The following WIPI2 variants were observed in gnomAD, a reference collection of about 807,000 sequenced individuals.
WIPI2 encodes WD repeat domain, phosphoinositide interacting 2.
Under a neutral mutation model 52.3 loss-of-function variants are expected in WIPI2, and 28 were observed. The observed-to-expected ratio is 0.54, with a 90% CI of 0.40 to 0.73. The LOEUF (loss-of-function observed/expected upper bound fraction) is 0.73, where lower values mean the gene tolerates loss of function less well. Ranked by LOEUF, WIPI2 falls within the 30% of genes least tolerant of loss-of-function variation. WIPI2 has a pLI of 0.00. For missense variants in WIPI2, 506 were observed against 602.9 expected, an observed-to-expected ratio of 0.84 and a Z score of 1.68; for synonymous variants, 268 against 245.0, an observed-to-expected ratio of 1.09 and a Z score of -0.88.
chr7:5,225,231 C>T (rs1172533544), intron 8 of WIPI2, among the ~76,000 whole-genome samples: 3 of 151,958 alleles, frequency 2.0e-5, no homozygotes, highest in Non-Finnish European at 2.9e-5. Context: ...ACCTCTGCCT[C>T]CCAGGTTCAA....
intron 2 of WIPI2, 46 bp downstream of exon 2, chr7:5,193,217 A>G (rs773086568): frequency 2.5e-6 from 4 of 1,596,574 alleles, no homozygotes; most frequent in Admixed American, 1.8e-5. Context: ...TGGAAGGCTT[A>G]TGTTAGAGGA....
At chr7:5,194,661 G>A (rs1271447203) in intron 2 of WIPI2, among the ~76,000 whole-genome samples, 1 of 152,134 alleles carries the variant, frequency 6.6e-6, no homozygotes, top group Admixed American at 6.5e-5. Context: ...TTTTTGTAGA[G>A]ATGGGGTTTC....
At chr7:5,203,443 G>T (rs983095414) in intron 3 of WIPI2, among the ~76,000 whole-genome samples, 1 of 151,968 alleles carries the variant, frequency 6.6e-6, no homozygotes, top group African/African-American at 2.4e-5. Context: ...TATAAACCAC[G>T]CCAGCAGAAG....
intron 3 of WIPI2, among the ~76,000 whole-genome samples, chr7:5,203,625 CTTTTTTTTT>C (rs10709311): frequency 3.0e-5 from 2 of 66,394 alleles, no homozygotes; most frequent in African/African-American, 1.1e-4. Flanking sequence ...TACGTTCAGC[CTTTTTTTTT>C]TTTTTTTTTT....
chr7:5,211,040 G>A (rs578060443), intron 3 of WIPI2, among the ~76,000 whole-genome samples: 5 of 152,306 alleles, frequency 3.3e-5, no homozygotes, highest in Admixed American at 2.0e-4. Flanking sequence ...TCAACAACAA[G>A]CACAAAAGTG....
intron 3 of WIPI2, among the ~76,000 whole-genome samples, chr7:5,211,837 A>G (rs567326570): frequency 6.6e-6 from 1 of 152,306 alleles, no homozygotes; most frequent in South Asian, 2.1e-4. Context: ...TGAGACTGGA[A>G]TGTGATTGTT....
Position 5,227,190 on chromosome 7 carries a change from G to A in WIPI2, c.859G>A (p.Glu287Lys), listed in dbSNP as rs746454507. 1.2e-6 allele frequency: 2 copies of A among 1,613,914 alleles called. No homozygotes were observed. Among genetic ancestry groups the A allele is most frequent in the South Asian group, 1.1e-5 (1 of 91,088 alleles). Residue 287 changes from glutamate (E) to lysine (K), a missense_variant, in exon 10 of 13, where the codon GAG becomes AAG. By Grantham distance (56) the Glu-to-Lys change is moderately conservative. Coordinates refer to ENST00000288828, the MANE Select transcript of WIPI2 (RefSeq NM_015610.4). The surrounding 1 kb of genome is among the most constrained non-coding windows in gnomAD (Gnocchi z 8.1). ...GGCCTTTCCTTCCAGACCCCCAGAGGAGCCCACCACCTGGACCGGGTACTT... is the reference window on the plus strand; with the variant it reads ...GGCCTTTCCTTCCAGACCCCCAGAGAAGCCCACCACCTGGACCGGGTACTT... Reference protein sequence around the residue: ...LETVKEKPPEEPTTWTGYFGK... With the variant: ...LETVKEKPPEKPTTWTGYFGK...
chr7:5,196,957 C>G (rs528360125), intron 2 of WIPI2, among the ~76,000 whole-genome samples: 51 of 151,438 alleles, frequency 3.4e-4, no homozygotes, highest in African/African-American at 1.2e-3. Flanking sequence ...ACTAGAAATA[C>G]AAAAATTAGC....
intron 1 of WIPI2, among the ~76,000 whole-genome samples, chr7:5,192,613 C>T (rs1781536031): frequency 6.6e-6 from 1 of 152,198 alleles, no homozygotes; most frequent in African/African-American, 2.4e-5. Flanking sequence ...GATTTCATAA[C>T]TTTGACTTGC....
At chr7:5,197,742 A>C (rs1188574143) in intron 2 of WIPI2, among the ~76,000 whole-genome samples, 1 of 152,178 alleles carries the variant, frequency 6.6e-6, no homozygotes, top group South Asian at 2.1e-4. Context: ...CCCTGATCCT[A>C]TCTTGGGGTA....
chr7:5,210,940 C>T (rs1186485097), intron 3 of WIPI2, among the ~76,000 whole-genome samples: 1 of 152,192 alleles, frequency 6.6e-6, no homozygotes, highest in Non-Finnish European at 1.5e-5. Context: ...TCAGCCCACA[C>T]ATGTGCTTTC....
chr7:5,209,656 C>A (rs1234234601), intron 3 of WIPI2, among the ~76,000 whole-genome samples: 1 of 152,196 alleles, frequency 6.6e-6, no homozygotes, highest in African/African-American at 2.4e-5. Context: ...CCACCTCCAT[C>A]CCATCACAGT....
Position 5,216,584 on chromosome 7 carries a change from G to A in WIPI2, c.403G>A (p.Glu135Lys). 1 of 1,614,200 alleles carries A rather than the reference G, an allele frequency of 6.2e-7. No individual in the cohort carries two copies. The highest frequency in any genetic ancestry group is 8.5e-7 in the Non-Finnish European group (1 of 1,180,032). The change falls in exon 5 of 13, where the codon GAG becomes AAG. Residue 135 changes from glutamate to lysine, a missense_variant. This residue lies in a region of WIPI2 where 237 missense variants were observed against 346.9 expected (regional missense o/e 0.68). Transcript: ENST00000288828. ...CTAGAGGCTGATAGTATGCCTGGAG[G>A]AGTCCCTGTACATCCACAACATTCG... Reference protein sequence around the residue: ...NRQRLIVCLEESLYIHNIRDM... With the variant: ...NRQRLIVCLEKSLYIHNIRDM...
At chr7:5,202,077 A>G (rs1477762994) in intron 3 of WIPI2, among the ~76,000 whole-genome samples, 3 of 152,160 alleles carry the variant, frequency 2.0e-5, no homozygotes, top group Non-Finnish European at 4.4e-5. Flanking sequence ...ATGTCTCAGT[A>G]TTTAGTTCAG....
chr7:5,193,230 T>TA (rs1781564627), intron 2 of WIPI2, 59 bp downstream of exon 2: 1 of 1,583,942 alleles, frequency 6.3e-7, no homozygotes, highest in East Asian at 2.3e-5. Flanking sequence ...TTAGAGGACT[T>TA]TTTTGGCTTT....
intron 2 of WIPI2, among the ~76,000 whole-genome samples, chr7:5,199,171 T>C (rs1781904936): frequency 6.6e-6 from 1 of 152,064 alleles, no homozygotes; most frequent in Admixed American, 6.6e-5. Context: ...TCCCTGGGAC[T>C]ACAAGGGCAC....
At chr7:5,203,845 G>C (rs1036792409) in intron 3 of WIPI2, among the ~76,000 whole-genome samples, 3 of 151,766 alleles carry the variant, frequency 2.0e-5, no homozygotes, top group African/African-American at 7.3e-5. Flanking sequence ...GGATGGTCTC[G>C]ATCTCCTGAC....
At chr7:5,212,704 G>A (rs1037548885) in intron 3 of WIPI2, among the ~76,000 whole-genome samples, 1 of 152,216 alleles carries the variant, frequency 6.6e-6, no homozygotes, top group African/African-American at 2.4e-5. Flanking sequence ...TTTTTGTAGA[G>A]ATAGGACCTC....
In WIPI2 at chr7:5,217,954, T is replaced by C. The variant is rs764759869; in HGVS notation, c.609T>C (p.Ser203=). 19 of 1,614,088 alleles carry C rather than the reference T, an allele frequency of 1.2e-5. No individual in the cohort carries two copies. In the African/African-American group the frequency reaches 2.3e-4, roughly 19 times the overall value. ...RAANMIPAHD[S]PLAALAFDAS... is the part of the protein sequence containing the mutation. ...CAAACATGATTCCGGCTCACGACAG[T>C]CCTTTAGCGGCACTGGCCTTTGACG... Residue 203 remains serine (S), a synonymous_variant, in exon 7 of 13, where the codon AGT becomes AGC. Coordinates refer to ENST00000288828, the MANE Select transcript of WIPI2 (RefSeq NM_015610.4).
Sources: gnomAD v4.1 joint callset for allele counts (sites outside exome capture counted in the v4.1 genomes callset) on GRCh38, gnomAD v4.1.1 for gene constraint, gnomAD v4.1.1 regional missense constraint, Gnocchi (gnomAD v3.1) non-coding constraint, MANE v1.5 for transcripts, NCBI Gene and HGNC (gene_info 2026-07-23, HGNC 2026-07-21) for gene names.